NKAIN2: variants seen among roughly 807,000 people sequenced by gnomAD.
The protein encoded by NKAIN2 is sodium/potassium-transporting ATPase subunit beta-1-interacting protein 2.
In NKAIN2, 14 loss-of-function variants were observed where a neutral mutation model predicts 32.6. The ratio of observed to expected loss-of-function variants is 0.43; its 90% CI spans 0.28 to 0.67. The LOEUF is 0.67. NKAIN2 is among the 30% of genes least tolerant of loss of function. The pLI is 0.17. For missense variants in NKAIN2, 198 were observed against 258.3 expected, an observed-to-expected ratio of 0.77 and a Z score of 1.60; for synonymous variants, 80 against 87.2, an observed-to-expected ratio of 0.92 and a Z score of 0.46.
intron 1 of NKAIN2, among the ~76,000 whole-genome samples, chr6:123,835,860 C>CAGT (rs1774596200): frequency 6.6e-6 from 1 of 152,094 alleles, no homozygotes; most frequent in Non-Finnish European, 1.5e-5. Flanking sequence ...CATGGTTGGA[C>CAGT]AGTACACTGT....
chr6:123,979,928 C>A (rs1778813986), intron 1 of NKAIN2, among the ~76,000 whole-genome samples: 1 of 151,954 alleles, frequency 6.6e-6, no homozygotes, highest in Admixed American at 6.6e-5. Context: ...TTATCTCCTG[C>A]AAATATCTAC....
chr6:124,139,373 C>T (rs1009217136), intron 1 of NKAIN2, among the ~76,000 whole-genome samples: 8 of 151,872 alleles, frequency 5.3e-5, no homozygotes, highest in Non-Finnish European at 1.2e-4. Context: ...CAGGCGTGAG[C>T]CACCGCGCCC....
At chr6:124,481,170 CT>C (rs5879741) in intron 3 of NKAIN2, among the ~76,000 whole-genome samples, 16,808 of 136,392 alleles carry the variant, frequency 0.12, 2,586 homozygotes, top group African/African-American at 0.36. Context: ...GTTAGAGTTA[CT>C]TTTTTTTTTT....
At chr6:124,526,872 T>A (rs1779337015) in intron 3 of NKAIN2, among the ~76,000 whole-genome samples, 1 of 152,144 alleles carries the variant, frequency 6.6e-6, no homozygotes, top group South Asian at 2.1e-4. Context: ...TAATATATAG[T>A]AATAAACTGC....
At chr6:123,812,489 G>A (rs1773517049) in intron 1 of NKAIN2, among the ~76,000 whole-genome samples, 1 of 152,128 alleles carries the variant, frequency 6.6e-6, no homozygotes, top group African/African-American at 2.4e-5. Context: ...TTGAAATTAT[G>A]TTTCGGACAC....
At chr6:124,816,789 A>G (rs1288736484) in intron 5 of NKAIN2, among the ~76,000 whole-genome samples, 1 of 151,988 alleles carries the variant, frequency 6.6e-6, no homozygotes, top group East Asian at 1.9e-4. Context: ...GGGCATTTTG[A>G]TTGTCTCTAT....
At chr6:124,283,283 A>G (rs1380901970) in intron 2 of NKAIN2, 141 bp downstream of exon 2, 27 of 587,926 alleles carry the variant, frequency 4.6e-5, no homozygotes, top group Non-Finnish European at 7.7e-5. Flanking sequence ...TTATTTTCAT[A>G]GTTTCAGATT....
At chr6:124,357,613 G>A (rs2115155658) in intron 3 of NKAIN2, among the ~76,000 whole-genome samples, 1 of 152,176 alleles carries the variant, frequency 6.6e-6, no homozygotes, top group East Asian at 1.9e-4. Flanking sequence ...AAAGAATCAG[G>A]GTTGACATTC....
chr6:124,603,754 C>G (rs905244482), intron 3 of NKAIN2, among the ~76,000 whole-genome samples: 1 of 151,908 alleles, frequency 6.6e-6, no homozygotes. Flanking sequence ...GGAAATAGGG[C>G]TAACCAGACT....
chr6:124,330,607 GA>G (rs1308495457), intron 2 of NKAIN2, among the ~76,000 whole-genome samples: 1 of 152,176 alleles, frequency 6.6e-6, no homozygotes, highest in Non-Finnish European at 1.5e-5. Context: ...GCAAGAACTT[GA>G]CTGTGAGCTG....
chr6:123,820,805 G>A (rs1488231947), intron 1 of NKAIN2, among the ~76,000 whole-genome samples: 2 of 152,114 alleles, frequency 1.3e-5, no homozygotes, highest in South Asian at 2.1e-4. Context: ...CAATGCTTTT[G>A]ATTTTGTTTA....
intron 1 of NKAIN2, among the ~76,000 whole-genome samples, chr6:124,151,511 A>G (rs996000338): frequency 2.0e-5 from 3 of 152,008 alleles, no homozygotes; most frequent in African/African-American, 7.2e-5. Context: ...TGGTGGACAT[A>G]TGAACTAATT....
intron 3 of NKAIN2, among the ~76,000 whole-genome samples, chr6:124,370,857 G>T (rs755018407): frequency 6.6e-6 from 1 of 151,980 alleles, no homozygotes; most frequent in East Asian, 1.9e-4. Flanking sequence ...TGACCCCCCC[G>T]GAAGGTACAC....
At chr6:124,118,710 G>A (rs1361246136) in intron 1 of NKAIN2, among the ~76,000 whole-genome samples, 1 of 152,112 alleles carries the variant, frequency 6.6e-6, no homozygotes, top group Non-Finnish European at 1.5e-5. Flanking sequence ...CAATCTCTGA[G>A]GACAGAGGTC....
intron 3 of NKAIN2, among the ~76,000 whole-genome samples, chr6:124,575,996 A>G (rs908311554): frequency 4.6e-5 from 7 of 152,252 alleles, no homozygotes; most frequent in African/African-American, 1.4e-4. Flanking sequence ...CAGTGGCACT[A>G]AACTGAACTG....
chr6:123,904,889 C>A (rs76586465), intron 1 of NKAIN2, among the ~76,000 whole-genome samples: 1 of 152,052 alleles, frequency 6.6e-6, no homozygotes, highest in Non-Finnish European at 1.5e-5. Context: ...TTTTGGATTG[C>A]GTGTTGTAAA....
At chr6:124,645,642 C>T (rs1247764554) in intron 3 of NKAIN2, among the ~76,000 whole-genome samples, 2 of 152,136 alleles carry the variant, frequency 1.3e-5, no homozygotes, top group African/African-American at 2.4e-5. Flanking sequence ...AAATGACCAG[C>T]ACACTAATGT....
At chr6:124,386,557 C>A (rs1772909304) in intron 3 of NKAIN2, among the ~76,000 whole-genome samples, 1 of 152,186 alleles carries the variant, frequency 6.6e-6, no homozygotes, top group Non-Finnish European at 1.5e-5. Context: ...ATTGAAAGCT[C>A]TGCTCTTGTC....
At chr6:124,802,683 T>C (rs1383218806) in intron 5 of NKAIN2, among the ~76,000 whole-genome samples, 3 of 152,224 alleles carry the variant, frequency 2.0e-5, no homozygotes, top group Non-Finnish European at 4.4e-5. Flanking sequence ...ACCTTCATTA[T>C]GGTGGAAAGA....
Sources: gnomAD v4.1 joint callset for allele counts (sites outside exome capture counted in the v4.1 genomes callset) on GRCh38, gnomAD v4.1.1 for gene constraint, MANE v1.5 for transcripts, NCBI Gene and HGNC (gene_info 2026-07-23, HGNC 2026-07-21) for gene names.